Variants in CARMIL1 observed in about 807,000 individuals in gnomAD.
The protein encoded by CARMIL1 is F-actin-uncapping protein LRRC16A.
A neutral mutation model predicts 177.1 loss-of-function variants in CARMIL1; 90 were observed. That is an observed-to-expected ratio of 0.51 (90% CI 0.43 to 0.61). CARMIL1 has a LOEUF of 0.61. Among genes scored for constraint, CARMIL1 ranks in the 20% least tolerant of loss-of-function variants. The pLI is 0.00. For synonymous variants in CARMIL1, 577 were observed against 606.2 expected, an observed-to-expected ratio of 0.95 and a Z score of 0.71; for missense variants, 1,380 against 1,667.0, an observed-to-expected ratio of 0.83 and a Z score of 3.00.
In CARMIL1 at chr6:25,394,072, C is replaced by T. The variant is rs561112702; in HGVS notation, c.139-26042C>T. 2.0e-5 allele frequency among the ~76,000 whole-genome samples: 3 copies of T among 152,202 alleles called. No individual in the cohort carries two copies. The East Asian group carries it at 5.8e-4, about 29-fold the overall frequency. On this transcript the variant is annotated intron_variant, in intron 2 of 36. Coordinates refer to ENST00000329474, the MANE Select transcript of CARMIL1 (RefSeq NM_017640.6). ...TGTTAAGTGAGCACCCACATACCAC[C>T]ACTTAGTTTCTACCATTTACATTTT...
intron 29 of CARMIL1, among the ~76,000 whole-genome samples, chr6:25,575,899 C>A (rs1812542577): frequency 6.6e-6 from 1 of 152,012 alleles, no homozygotes; most frequent in Admixed American, 6.6e-5. Context: ...ATTGAGGAGC[C>A]CTGTATTTCC....
chr6:25,463,564 A>T (rs1800306400), intron 8 of CARMIL1, among the ~76,000 whole-genome samples: 1 of 152,090 alleles, frequency 6.6e-6, no homozygotes, highest in Admixed American at 6.5e-5. Flanking sequence ...AAGTGTGGTC[A>T]CTCCTTGACA....
At chr6:25,562,447 C>T (rs1811208932) in intron 29 of CARMIL1, among the ~76,000 whole-genome samples, 1 of 151,968 alleles carries the variant, frequency 6.6e-6, no homozygotes, top group Non-Finnish European at 1.5e-5. Flanking sequence ...TGGGGTTTCA[C>T]CATCTTGGCC....
At chr6:25,490,105 G>A (rs73393878) in intron 13 of CARMIL1, among the ~76,000 whole-genome samples, 2,658 of 152,314 alleles carry the variant, frequency 0.017, 58 homozygotes, top group African/African-American at 0.052. Context: ...CTGGAGGGGA[G>A]AGTGGGCGGG....
At chr6:25,602,047 G>C (rs1815465192) in intron 33 of CARMIL1, among the ~76,000 whole-genome samples, 1 of 152,196 alleles carries the variant, frequency 6.6e-6, no homozygotes. Flanking sequence ...TACATGGCAG[G>C]TGTAGGGAGC....
At chr6:25,282,824 A>G (rs1274508249) in intron 1 of CARMIL1, among the ~76,000 whole-genome samples, 6 of 152,114 alleles carry the variant, frequency 3.9e-5, no homozygotes, top group Admixed American at 3.3e-4. Flanking sequence ...GATCTTATGC[A>G]TTGTGTGTGA....
chr6:25,428,603 T>A (rs954905119), intron 4 of CARMIL1, among the ~76,000 whole-genome samples: 24 of 152,214 alleles, frequency 1.6e-4, no homozygotes, highest in Admixed American at 1.1e-3. Flanking sequence ...AATTTTTAAA[T>A]CACTTTGGGG....
intron 2 of CARMIL1, among the ~76,000 whole-genome samples, chr6:25,410,353 C>T (rs921470751): frequency 3.3e-5 from 5 of 152,170 alleles, no homozygotes; most frequent in African/African-American, 9.7e-5. Flanking sequence ...AAACTGATTT[C>T]TTGTTCCAAC....
chr6:25,334,220 A>G (rs1785981673), intron 2 of CARMIL1, among the ~76,000 whole-genome samples: 2 of 152,226 alleles, frequency 1.3e-5, no homozygotes, highest in South Asian at 4.1e-4. Context: ...CAGGGAGGCC[A>G]TGGGGCCAGA....
At chr6:25,319,730 G>A (rs1484993204) in intron 2 of CARMIL1, among the ~76,000 whole-genome samples, 2 of 148,006 alleles carry the variant, frequency 1.4e-5, no homozygotes, top group Non-Finnish European at 3.0e-5. Flanking sequence ...ACATTGTTGC[G>A]ATTTGAGAAA....
chr6:25,281,701 C>A (rs555328581), intron 1 of CARMIL1, among the ~76,000 whole-genome samples: 1 of 152,236 alleles, frequency 6.6e-6, no homozygotes, highest in African/African-American at 2.4e-5. Context: ...AATACCTGCA[C>A]CTGCTTTCCT....
chr6:25,501,032 A>T (rs2762354), intron 17 of CARMIL1, among the ~76,000 whole-genome samples: 57,461 of 151,780 alleles, frequency 0.38, 11,198 homozygotes, highest in South Asian at 0.42. Flanking sequence ...AAAGTGTTGG[A>T]ATTACAGACG....
intron 23 of CARMIL1, among the ~76,000 whole-genome samples, chr6:25,523,211 CTTAAAA>C (rs1806747806): frequency 2.0e-5 from 3 of 152,144 alleles, no homozygotes; most frequent in Non-Finnish European, 4.4e-5. Context: ...GAATATCTGA[CTTAAAA>C]TTAAACTCGT....
intron 17 of CARMIL1, chr6:25,507,355 A>C (rs764897434): frequency 6.6e-6 from 1 of 152,310 alleles, no homozygotes; most frequent in Non-Finnish European, 1.5e-5. Flanking sequence ...TTTAGTTAGA[A>C]GTATTTTTTC....
chr6:25,308,850 C>T (rs554208105), intron 2 of CARMIL1, among the ~76,000 whole-genome samples: 1 of 152,162 alleles, frequency 6.6e-6, no homozygotes, highest in South Asian at 2.1e-4. Flanking sequence ...ATGGGAGTAC[C>T]CCAAGGTGGA....
chr6:25,327,723 G>A (rs1004834108), intron 2 of CARMIL1, among the ~76,000 whole-genome samples: 2 of 152,162 alleles, frequency 1.3e-5, no homozygotes, highest in African/African-American at 4.8e-5. Flanking sequence ...ATAACAAGCT[G>A]CAATAAAATC....
intron 2 of CARMIL1, among the ~76,000 whole-genome samples, chr6:25,416,715 G>A (rs1373992320): frequency 6.6e-6 from 1 of 152,194 alleles, no homozygotes; most frequent in Non-Finnish European, 1.5e-5. Context: ...AGAGTGAGGA[G>A]TTGCAGCTTC....
intron 8 of CARMIL1, chr6:25,452,142 C>G: frequency 3.9e-6 from 3 of 765,040 alleles, no homozygotes; most frequent in Non-Finnish European, 7.2e-6. Context: ...TTTGCACAGC[C>G]TGGGACTACG....
chr6:25,434,518 A>ATTTTT (rs5875039), intron 4 of CARMIL1, among the ~76,000 whole-genome samples: 12 of 101,698 alleles, frequency 1.2e-4, no homozygotes, highest in African/African-American at 3.4e-4. Context: ...GCTCAAAACC[A>ATTTTT]TTTTTTTTTT....
Sources: allele counts gnomAD v4.1 joint callset (sites outside exome capture counted in the v4.1 genomes callset), GRCh38; gene constraint gnomAD v4.1.1; transcripts MANE v1.5; gene names NCBI Gene and HGNC (gene_info 2026-07-23, HGNC 2026-07-21).